The following PUM1 variants were observed in gnomAD, a reference collection of about 807,000 sequenced individuals.
PUM1 encodes the protein pumilio RNA binding family member 1, also known as pumilio homolog 1.
PUM1 carries 13 observed loss-of-function variants against 131.8 expected under a neutral mutation model. The ratio of observed to expected loss-of-function variants is 0.10; its 90% CI spans 0.06 to 0.16. The LOEUF (loss-of-function observed/expected upper bound fraction) is 0.16. Ranked by LOEUF, PUM1 falls within the 10% of genes least tolerant of loss-of-function variation. PUM1 has a pLI of 1.00. For missense variants in PUM1, 961 were observed against 1,512.4 expected (o/e 0.64, Z 6.05); for synonymous variants, 509 against 556.5 (o/e 0.91, Z 1.20).
chr1:30,990,221 C>T (rs895065910), intron 7 of PUM1, among the ~76,000 whole-genome samples: 1 of 152,196 alleles, frequency 6.6e-6, no homozygotes, highest in Non-Finnish European at 1.5e-5. Context: ...AAACCTTGTT[C>T]TGCTAAAGCA....
intron 14 of PUM1, among the ~76,000 whole-genome samples, chr1:30,956,310 C>G (rs1640164956): frequency 6.6e-6 from 1 of 151,930 alleles, no homozygotes; most frequent in Non-Finnish European, 1.5e-5. Flanking sequence ...GTCACCTAGG[C>G]TGGAGTGCAA....
Position 30,952,290 on chromosome 1 carries a change from C to T in PUM1, c.2665G>A (p.Ala889Thr). 1 of 1,614,120 alleles carries T rather than the reference C, an allele frequency of 6.2e-7. No homozygotes were observed. Among genetic ancestry groups the T allele is most frequent in the South Asian group, 1.1e-5 (1 of 91,086 alleles). Residue 889 changes from alanine to threonine, a missense_variant, in exon 16 of 22, where the codon GCC (alanine) becomes ACC (threonine). By Grantham distance (58) the Ala-to-Thr change is moderately conservative. Coordinates refer to ENST00000426105, the MANE Select transcript of PUM1 (RefSeq NM_001020658.2). The stretch of plus-strand genomic sequence containing the variant: ...AACACATCCACCATGAGTTGGTAGG[C>T]AGCCTGGAGGATTTCATTGAAGACA... Reference protein sequence around the residue: ...QLVFNEILQAAYQLMVDVFGN... With the variant: ...QLVFNEILQATYQLMVDVFGN...
intron 9 of PUM1, among the ~76,000 whole-genome samples, chr1:30,978,889 G>A (rs1570186882): frequency 1.3e-5 from 2 of 152,190 alleles, no homozygotes; most frequent in East Asian, 3.9e-4. Context: ...GCTTGAGCCC[G>A]AGAATTTGAC....
Position 31,063,526 on chromosome 1 carries a change from T to C in PUM1, c.-12+2090A>G, listed in dbSNP as rs536510697. Among the ~76,000 whole-genome samples, 25 of 152,228 alleles carry C rather than the reference T, an allele frequency of 1.6e-4. No individual in the cohort carries two copies. The South Asian group carries it at 5.2e-3, about 32-fold the overall frequency. On this transcript the variant is annotated intron_variant, in intron 1 of 21. Coordinates refer to ENST00000426105, the MANE Select transcript of PUM1 (RefSeq NM_001020658.2). ...ACCTAAGGAGGACAATGTACGTTAT[T>C]CCAGTGATGGACACACAAAAAGCCC...
In PUM1 at chr1:30,944,554, G is replaced by GTT. The variant is rs572371115; in HGVS notation, c.2994+790_2994+791dup. ...TACAGGAAAACAGGAGAAACTAGAA[G>GTT]TTATCTCTGGTTATTTGGCCATTTA... On this transcript the variant is annotated intron_variant, in intron 18 of 21. Coordinates refer to ENST00000426105, the MANE Select transcript of PUM1 (RefSeq NM_001020658.2). 7.4e-4 allele frequency among the ~76,000 whole-genome samples: 112 copies of GTT among 152,296 alleles called. No homozygotes were observed. The South Asian group carries it at 0.023, about 31-fold the overall frequency.
chr1:31,000,704 T>A (rs948739057), intron 5 of PUM1, among the ~76,000 whole-genome samples: 2 of 152,216 alleles, frequency 1.3e-5, no homozygotes, highest in Non-Finnish European at 2.9e-5. Context: ...TCCTCCCTTC[T>A]TTCTACAAAG....
intron 3 of PUM1, among the ~76,000 whole-genome samples, chr1:31,025,940 C>A (rs577225973): frequency 1.3e-5 from 2 of 152,260 alleles, no homozygotes; most frequent in South Asian, 4.1e-4. Flanking sequence ...TAATTAGAAG[C>A]TGTTCTTTTT....
chr1:30,999,643 A>T (rs932498473), intron 5 of PUM1, among the ~76,000 whole-genome samples: 5 of 131,812 alleles, frequency 3.8e-5, no homozygotes, highest in Admixed American at 8.3e-5. Context: ...AAAAAAAAAA[A>T]GGTGCTGAAC....
intron 14 of PUM1, among the ~76,000 whole-genome samples, chr1:30,957,087 T>TATACACACACAC (rs1553145748): frequency 7.1e-6 from 1 of 139,902 alleles, no homozygotes; most frequent in Non-Finnish European, 1.5e-5. Context: ...AGGACATTCA[T>TATACACACACAC]ACACACACAC....
Position 31,059,544 on chromosome 1 carries a change from T to C in PUM1, c.23A>G (p.Lys8Arg), listed in dbSNP as rs1644322094. The C allele has an allele frequency of 6.2e-7, 1 of 1,613,712 alleles. No individual in the cohort carries two copies. The highest frequency in any genetic ancestry group is 8.5e-7 in the Non-Finnish European group (1 of 1,179,818). Residue 8 changes from lysine (K) to arginine (R), a missense_variant, in exon 2 of 22, where the codon AAG becomes AGG. Lys to Arg is a conservative substitution (Grantham distance 26). Coordinates refer to ENST00000426105, the MANE Select transcript of PUM1 (RefSeq NM_001020658.2). The stretch of plus-strand genomic sequence containing the variant: ...GTCCTGCCAAAGCACTGCTTTTCTC[T>C]TCAAGACACATGCAACGCTCATTCC... MSVACVLKRKAVLWQDSF... is the reference protein window; with the variant it reads MSVACVLRRKAVLWQDSF...
rs1643241138 is a variant in PUM1 at position 31,026,901 on chromosome 1, C to CAT, written c.432+1893_432+1894dup. On this transcript the variant is annotated intron_variant, in intron 3 of 21. Coordinates refer to ENST00000426105, the MANE Select transcript of PUM1 (RefSeq NM_001020658.2). ...ATGGAATATACTGTTTTGTTATTAA[C>CAT]ATATGCCTATATTCATGCCCACGGA... Among the ~76,000 whole-genome samples the CAT allele has an allele frequency of 2.2e-5, 3 of 138,480 alleles. No homozygotes were observed. In the South Asian group the frequency reaches 6.8e-4, roughly 32 times the overall value. The allele number at this position is 138,480 out of a possible 152,430, so 90.8% of individuals were successfully genotyped here. A position where few individuals can be genotyped will look rare whatever the true frequency, so the allele number is the denominator to read the frequency against.
chr1:30,994,224 A>G (rs1641904860), intron 6 of PUM1, among the ~76,000 whole-genome samples: 1 of 152,238 alleles, frequency 6.6e-6, no homozygotes. Context: ...ACTTTGGCAG[A>G]CATTAGAATA....
At chr1:31,041,569 G>T (rs1643816552) in intron 2 of PUM1, among the ~76,000 whole-genome samples, 1 of 152,018 alleles carries the variant, frequency 6.6e-6, no homozygotes, top group Non-Finnish European at 1.5e-5. Flanking sequence ...GGAAGTACTT[G>T]ATATCCTCCC....
intron 7 of PUM1, among the ~76,000 whole-genome samples, chr1:30,985,230 C>G (rs543994772): frequency 6.6e-6 from 1 of 152,274 alleles, no homozygotes; most frequent in Admixed American, 6.5e-5. Context: ...GATGTTCTTT[C>G]TGATGAATGG....
intron 1 of PUM1, among the ~76,000 whole-genome samples, chr1:31,060,567 T>C (rs1203909393): frequency 6.6e-6 from 1 of 152,074 alleles, no homozygotes; most frequent in Non-Finnish European, 1.5e-5. Context: ...GCTCAGATTG[T>C]GTAATTTGAA....
chr1:30,968,312 T>C, intron 11 of PUM1, 42 bp downstream of exon 11: 2 of 1,576,492 alleles, frequency 1.3e-6, no homozygotes, highest in Non-Finnish European at 1.7e-6. Context: ...ACGTGCAGCC[T>C]TTTTCCCTGC....
intron 14 of PUM1, among the ~76,000 whole-genome samples, chr1:30,957,842 T>C (rs1366842884): frequency 6.6e-6 from 1 of 152,228 alleles, no homozygotes; most frequent in Admixed American, 6.5e-5. Context: ...AGCAACAATG[T>C]TCATCAAAAT....
chr1:30,991,538 C>A (rs115859878), intron 7 of PUM1, among the ~76,000 whole-genome samples: 3,381 of 152,240 alleles, frequency 0.022, 68 homozygotes, highest in South Asian at 0.075. Context: ...TTCTAAACTT[C>A]AAAATGAGAT....
chr1:31,055,274 C>T lies in PUM1; in HGVS notation c.363+3930G>A, dbSNP rs1228628652. 1.6e-5 allele frequency: 7 copies of T among 451,286 alleles called. No homozygotes were observed. In the East Asian group the frequency reaches 4.2e-4, roughly 27 times the overall value. The allele number at this position is 451,286 out of a possible 1,614,324, so 28.0% of individuals were successfully genotyped here. A position where few individuals can be genotyped will look rare whatever the true frequency, so the allele number is the denominator to read the frequency against. On this transcript the variant is annotated intron_variant, in intron 2 of 21. Transcript: ENST00000426105. ...GGCCTCTACCTGTTGCCATGTGTTT[C>T]CCAGCAGGATGACTGAGCTGTAAGA... is the stretch of plus-strand genomic sequence containing the variant.
Sources: allele counts gnomAD v4.1 joint callset (sites outside exome capture counted in the v4.1 genomes callset), GRCh38; gene constraint gnomAD v4.1.1; transcripts MANE v1.5; gene names NCBI Gene and HGNC (gene_info 2026-07-23, HGNC 2026-07-21).